The following DNAH7 variants were observed in gnomAD, a reference collection of about 807,000 sequenced individuals.
DNAH7 encodes axonemal beta dynein heavy chain 7.
A neutral mutation model predicts 444.6 loss-of-function variants in DNAH7; 397 were observed. That is an observed-to-expected ratio of 0.89 (90% confidence interval 0.82 to 0.97). DNAH7 has a LOEUF of 0.97. Ranked by LOEUF, DNAH7 falls within the 50% of genes least tolerant of loss-of-function variation. The pLI, the probability that DNAH7 is intolerant of heterozygous loss-of-function variation, is 0.00. For missense variants in DNAH7, 4,902 were observed against 4,800.8 expected (o/e 1.02, Z -0.62); for synonymous variants, 1,636 against 1,624.4 (o/e 1.01, Z -0.17).
In DNAH7 at chr2:195,872,619, A is replaced by C. The variant is rs531775675; in HGVS notation, c.6414-150T>G. On this transcript the variant is annotated intron_variant, in intron 39 of 64. Coordinates refer to ENST00000312428, the MANE Select transcript of DNAH7 (RefSeq NM_018897.3). ...ATTACCATATCTTATTATAATAATAATACTAATAGATTTTTACTCCTTTTA... is the reference window on the plus strand; with the variant it reads ...ATTACCATATCTTATTATAATAATACTACTAATAGATTTTTACTCCTTTTA... 15 of 434,952 alleles carry C rather than the reference A, an allele frequency of 3.4e-5. No individual in the cohort carries two copies. In the Middle Eastern group the frequency reaches 2.6e-3, roughly 76 times the overall value. The allele number at this position is 434,952 out of a possible 1,614,324, so 26.9% of individuals were successfully genotyped here.
At chr2:195,914,013 C>A (rs1024689989) in intron 24 of DNAH7, among the ~76,000 whole-genome samples, 5 of 152,184 alleles carry the variant, frequency 3.3e-5, no homozygotes, top group Non-Finnish European at 7.3e-5. Context: ...CGTGCCAAGT[C>A]GCAGATCTTT....
Position 195,910,027 on chromosome 2 carries a change from C to T in DNAH7, c.4104G>A (p.Lys1368=), listed in dbSNP as rs577209638. Residue 1368 remains lysine, a splice_region_variant and synonymous_variant, in exon 25 of 65, where the codon AAG becomes AAA. Coordinates refer to ENST00000312428, the MANE Select transcript of DNAH7 (RefSeq NM_018897.3). ...LDYLALGKFF[K]GLLSCGAWAC... is the part of the protein sequence containing the mutation. Reference sequence around the variant, plus strand: ...AAAGAAATGAGGAGTTAATTCAAACCTTAAAGAATTTTCCCAAAGCCAAAT... The same window carrying T: ...AAAGAAATGAGGAGTTAATTCAAACTTTAAAGAATTTTCCCAAAGCCAAAT... 6.2e-6 allele frequency: 10 copies of T among 1,610,504 alleles called. No individual in the cohort carries two copies. Among genetic ancestry groups the T allele is most frequent in the Admixed American group, 1.7e-5 (1 of 59,684 alleles).
intron 24 of DNAH7, among the ~76,000 whole-genome samples, chr2:195,914,731 T>G (rs933780316): frequency 2.0e-5 from 3 of 152,204 alleles, no homozygotes; most frequent in African/African-American, 7.2e-5. Flanking sequence ...TGGCAAAATC[T>G]TGGCCCACTG....
intron 62 of DNAH7, 126 bp from the exon 63 acceptor site, chr2:195,754,640 AGCTGGGAATACAG>A: frequency 1.1e-6 from 1 of 872,152 alleles, no homozygotes; most frequent in Non-Finnish European, 1.7e-6. Flanking sequence ...CCTCCCAAGT[AGCTGGGAATACAG>A]GCACATACCA....
chr2:195,804,054 G>C lies in DNAH7; in HGVS notation c.10176+2686C>G, dbSNP rs557653359. 2.4e-4 allele frequency among the ~76,000 whole-genome samples: 24 copies of C among 99,202 alleles called. No homozygotes were observed. The South Asian group carries it at 3.4e-3, about 14-fold the overall frequency. 65.1% of individuals were successfully genotyped at this position (99,202 alleles called of 152,430 possible). The stretch of plus-strand genomic sequence containing the variant: ...AGTGGGGCTGGTTTTGAGGGGAGAG[G>C]GGGGGAAGGAGACCCCCCCCAAATT... On this transcript the variant is annotated intron_variant, in intron 54 of 64. Transcript: ENST00000312428.
chr2:195,872,102 A>T, intron 40 of DNAH7, 148 bp downstream of exon 40: 2 of 606,756 alleles, frequency 3.3e-6, no homozygotes, highest in Non-Finnish European at 2.8e-6. Context: ...AAATATTTTT[A>T]AAATTTTTCT....
At chr2:195,825,234 G>A (rs1196135505) in intron 48 of DNAH7, 1 of 151,398 alleles carries the variant, frequency 6.6e-6, no homozygotes, top group Non-Finnish European at 1.5e-5. Context: ...CTCCAGCTTG[G>A]GCCACAGAGC....
intron 47 of DNAH7, among the ~76,000 whole-genome samples, chr2:195,839,108 A>G (rs916441788): frequency 1.3e-5 from 2 of 151,916 alleles, no homozygotes; most frequent in African/African-American, 4.8e-5. Flanking sequence ...AAAAATATAG[A>G]CAAGTTTTAT....
Position 195,834,280 on chromosome 2 carries a change from C to T in DNAH7, c.9026G>A (p.Ser3009Asn), listed in dbSNP as rs1010012036. The T allele has an allele frequency of 3.7e-5, 60 of 1,609,466 alleles. No individual in the cohort carries two copies. Among genetic ancestry groups the T allele is most frequent in the Non-Finnish European group, 4.6e-5 (54 of 1,176,306 alleles). Residue 3009 changes from serine (S) to asparagine (N), a missense_variant, in exon 48 of 65, where the codon AGT becomes AAT. Physicochemically the swap from Ser to Asn is conservative, Grantham distance 46. Coordinates refer to ENST00000312428, the MANE Select transcript of DNAH7 (RefSeq NM_018897.3). ...KWIKNMEKAN[S>N]LYVIKLSEPD... ...TTCACTAAGTTTAATCACATAAAGACTATTGGCTTTTTCCATGTTCTTGAT... is the reference window on the plus strand; with the variant it reads ...TTCACTAAGTTTAATCACATAAAGATTATTGGCTTTTTCCATGTTCTTGAT...
chr2:196,065,759 T>C (rs1439716722), intron 1 of DNAH7, among the ~76,000 whole-genome samples: 1 of 152,194 alleles, frequency 6.6e-6, no homozygotes, highest in Non-Finnish European at 1.5e-5. Flanking sequence ...CTGAGAATAA[T>C]GTTCAGTTTC....
chr2:195,965,309 G>A (rs1466190972), intron 17 of DNAH7, among the ~76,000 whole-genome samples: 1 of 152,126 alleles, frequency 6.6e-6, no homozygotes, highest in African/African-American at 2.4e-5. Context: ...TACATCCCAG[G>A]ATAAATTACA....
chr2:195,931,604 G>A (rs1194354563), intron 21 of DNAH7, among the ~76,000 whole-genome samples: 1 of 151,638 alleles, frequency 6.6e-6, no homozygotes. Context: ...TTTGTATAAG[G>A]TGTAAGGAAG....
intron 12 of DNAH7, chr2:195,994,971 C>G: frequency 3.8e-6 from 1 of 265,386 alleles, no homozygotes; most frequent in South Asian, 4.4e-5. Flanking sequence ...TGCTCTGTTG[C>G]CAGGCTGGAG....
chr2:195,861,651 G>A lies in DNAH7; in HGVS notation c.7736+66C>T, dbSNP rs550288748. ...ATAAATCTCCATTATATATTATGTC[G>A]TTTTTGCACACACAAGTATTTTTAA... On this transcript the variant is annotated intron_variant, in intron 42 of 64. Coordinates refer to ENST00000312428, the MANE Select transcript of DNAH7 (RefSeq NM_018897.3). 1.0e-4 allele frequency: 111 copies of A among 1,092,400 alleles called. No individual in the cohort carries two copies. In the East Asian group the frequency reaches 1.3e-3, roughly 13 times the overall value. 67.7% of individuals were successfully genotyped at this position (1,092,400 alleles called of 1,614,324 possible).
intron 20 of DNAH7, among the ~76,000 whole-genome samples, chr2:195,935,532 G>A (rs905318736): frequency 1.3e-5 from 2 of 152,094 alleles, no homozygotes; most frequent in African/African-American, 4.8e-5. Context: ...CTAAAGATTG[G>A]GGAATCAGCA....
At chr2:195,851,259 A>C (rs143627117) in intron 46 of DNAH7, among the ~76,000 whole-genome samples, 22 of 152,362 alleles carry the variant, frequency 1.4e-4, no homozygotes, top group African/African-American at 5.3e-4. Flanking sequence ...AGTGGGACTC[A>C]GAATTAATCC....
intron 61 of DNAH7, among the ~76,000 whole-genome samples, chr2:195,767,204 T>A (rs565923834): frequency 4.6e-5 from 7 of 152,210 alleles, no homozygotes; most frequent in African/African-American, 1.7e-4. Context: ...TTAAGAAGTG[T>A]TTTACTAAAT....
At chr2:195,861,476 A>G (rs1700010341) in intron 42 of DNAH7, among the ~76,000 whole-genome samples, 1 of 152,206 alleles carries the variant, frequency 6.6e-6, no homozygotes, top group South Asian at 2.1e-4. Context: ...TCTGGTTGGA[A>G]TATCTTCATT....
intron 63 of DNAH7, among the ~76,000 whole-genome samples, chr2:195,751,236 TATC>T (rs1693780291): frequency 6.6e-6 from 1 of 152,242 alleles, no homozygotes. Context: ...ATTTCTAAGA[TATC>T]ATATGTCCCA....
Sources: allele counts gnomAD v4.1 joint callset (sites outside exome capture counted in the v4.1 genomes callset), GRCh38; gene constraint gnomAD v4.1.1; transcripts MANE v1.5; gene names NCBI Gene and HGNC (gene_info 2026-07-23, HGNC 2026-07-21).